Variants in ZC3H13 observed in about 807,000 individuals in gnomAD.
ZC3H13 encodes the protein zinc finger CCCH domain-containing protein 13.
ZC3H13 carries 64 observed loss-of-function variants against 204.1 expected under a neutral mutation model. The ratio of observed to expected loss-of-function variants is 0.31; its 90% CI spans 0.26 to 0.39. The LOEUF is 0.39. ZC3H13 is among the 10% of genes least tolerant of loss of function. The pLI is 1.00. For synonymous variants in ZC3H13, 667 were observed against 693.7 expected (o/e 0.96, Z 0.60); for missense variants, 1,833 against 2,082.7 (o/e 0.88, Z 2.33).
chr13:45,995,011 T>TG (rs2040229864), intron 8 of ZC3H13, among the ~76,000 whole-genome samples: 3 of 62,314 alleles, frequency 4.8e-5, no homozygotes, highest in African/African-American at 9.3e-5. Flanking sequence ...TAACTATCAG[T>TG]GAAAAAAAAA....
chr13:46,052,588 A>T lies in ZC3H13; in HGVS notation c.-194T>A, dbSNP rs1214554915. ...TAGCGAGGAGCCCCCGGGATGGCTG[A>T]GAAGCAGAACCAACCCGCCCGCCGC... is the stretch of plus-strand genomic sequence containing the variant. On this transcript the variant is annotated 5_prime_UTR_variant, in exon 1 of 19. Transcript: ENST00000679008. 5.0e-6 allele frequency: 2 copies of T among 398,614 alleles called. No individual in the cohort carries two copies. The highest frequency in any genetic ancestry group is 8.8e-6 in the Non-Finnish European group (2 of 226,174). The allele number at this position is 398,614 out of a possible 1,614,324, so 24.7% of individuals were successfully genotyped here. A position where few individuals can be genotyped will look rare whatever the true frequency, so the allele number is the denominator to read the frequency against.
chr13:45,970,520 T>A, intron 12 of ZC3H13, 55 bp from the exon 13 acceptor site: 3 of 1,524,182 alleles, frequency 2.0e-6, no homozygotes, highest in Non-Finnish European at 1.8e-6. Context: ...AAAAAAGAGA[T>A]TTTTTTGTTT....
rs761335114 is a variant in ZC3H13, at chr13:45,969,721, G to A, written c.2823C>T (p.His941=). 8 of 1,613,674 alleles carry A rather than the reference G, an allele frequency of 5.0e-6. No individual in the cohort carries two copies. The highest frequency in any genetic ancestry group is 6.8e-6 in the Non-Finnish European group (8 of 1,179,984). The part of the protein sequence containing the change: ...RMRAQDIIGH[H]QSEDRETSDR... ...CAGATGTCTCTCGATCTTCAGACTGGTGGTGTCCTATAATGTCCTGTGCAC... is the reference window on the plus strand; with the variant it reads ...CAGATGTCTCTCGATCTTCAGACTGATGGTGTCCTATAATGTCCTGTGCAC... Residue 941 remains histidine, a synonymous_variant, in exon 14 of 19, where the codon CAC becomes CAT. Transcript: ENST00000679008.
intron 4 of ZC3H13, among the ~76,000 whole-genome samples, chr13:46,033,934 T>G (rs1045709596): frequency 6.6e-6 from 1 of 152,098 alleles, no homozygotes; most frequent in African/African-American, 2.4e-5. Flanking sequence ...CACAAAGGAT[T>G]GGTATACAGA....
At chr13:45,994,189 T>C (rs1212576400) in intron 8 of ZC3H13, among the ~76,000 whole-genome samples, 1 of 152,264 alleles carries the variant, frequency 6.6e-6, no homozygotes, top group East Asian at 1.9e-4. Flanking sequence ...TTCTTTTCTC[T>C]AGCTTACTTT....
chr13:46,045,545 T>C, intron 1 of ZC3H13, 29 bp from the exon 2 acceptor site: 2 of 1,503,850 alleles, frequency 1.3e-6, no homozygotes, highest in Non-Finnish European at 1.9e-6. Context: ...GAGGCAAAAC[T>C]GTAAAATTCC....
intron 10 of ZC3H13, among the ~76,000 whole-genome samples, chr13:45,983,465 C>T (rs1235526840): frequency 1.2e-5 from 1 of 81,716 alleles, no homozygotes; most frequent in Non-Finnish European, 2.1e-5. Context: ...CTCACTCTTT[C>T]GCCCAAGCTG....
At chr13:45,975,147 TA>T in intron 12 of ZC3H13, 135 bp downstream of exon 12, 1 of 1,386,510 alleles carries the variant, frequency 7.2e-7, no homozygotes, top group Non-Finnish European at 9.6e-7. Context: ...ATACATATAC[TA>T]AATTTGAAAA....
At chr13:46,028,880 C>T (rs906185674) in intron 4 of ZC3H13, among the ~76,000 whole-genome samples, 3 of 151,856 alleles carry the variant, frequency 2.0e-5, no homozygotes, top group Admixed American at 6.6e-5. Context: ...TTTAAGCTTC[C>T]ACCTTAGAAA....
Position 46,003,263 on chromosome 13 carries a change from T to C in ZC3H13, c.820A>G (p.Ile274Val), listed in dbSNP as rs377757807. 18 of 1,613,112 alleles carry C rather than the reference T, an allele frequency of 1.1e-5. No homozygotes were observed. In the African/African-American group the frequency reaches 1.9e-4, roughly 17 times the overall value. ...TCTTTGTATTTTTTCCCCAGAGCGA[T>C]ATCTTCTGGTATAGGAGGGGGTGGA... is the stretch of plus-strand genomic sequence containing the variant. ...PSPPPPIPEDIALGKKYKEKY... is the reference protein window; with the variant it reads ...PSPPPPIPEDVALGKKYKEKY... Residue 274 changes from isoleucine to valine, a missense_variant, in exon 8 of 19, where the codon ATC becomes GTC. Physicochemically the swap from Ile to Val is conservative, Grantham distance 29. Around this residue, in one of 5 missense-constraint regions of ZC3H13, gnomAD observed 1,574 missense variants for 1,757.2 expected, o/e 0.90. Coordinates refer to ENST00000679008, the MANE Select transcript of ZC3H13 (RefSeq NM_001330564.2).
At chr13:45,970,023 A>G (rs1481080158) in intron 13 of ZC3H13, 52 bp from the exon 14 acceptor site, 2 of 1,537,614 alleles carry the variant, frequency 1.3e-6, no homozygotes, top group African/African-American at 1.4e-5. Context: ...TAACCACTGC[A>G]TGGTACATAT....
At chr13:45,973,194 GAAA>G (rs1952731209) in intron 12 of ZC3H13, among the ~76,000 whole-genome samples, 1 of 152,076 alleles carries the variant, frequency 6.6e-6, no homozygotes, top group Non-Finnish European at 1.5e-5. Flanking sequence ...TAAAACATGA[GAAA>G]AAGTTATTTC....
At chr13:45,957,846 T>A (rs1249697162) in intron 18 of ZC3H13, among the ~76,000 whole-genome samples, 2 of 152,190 alleles carry the variant, frequency 1.3e-5, no homozygotes, top group Non-Finnish European at 2.9e-5. Flanking sequence ...ACTGAATAAA[T>A]CCTTTAGAAG....
chr13:45,969,000 T>C lies in ZC3H13; in HGVS notation c.3544A>G (p.Lys1182Glu). Reference sequence around the variant, plus strand: ...CTGCTCCTCTTTTGATCCATAGGCTTGCGATGCTGTGCATCTTCTATAGTC... The same window carrying C: ...CTGCTCCTCTTTTGATCCATAGGCTCGCGATGCTGTGCATCTTCTATAGTC... ...HVTIEDAQHR[K>E]PMDQKRSSSL... is the part of the protein sequence containing the mutation. The change falls in exon 14 of 19, where the codon AAG becomes GAG. Residue 1182 changes from lysine to glutamate, a missense_variant. Coordinates refer to ENST00000679008, the MANE Select transcript of ZC3H13 (RefSeq NM_001330564.2). 1 of 1,614,222 alleles carries C rather than the reference T, an allele frequency of 6.2e-7. No individual in the cohort carries two copies. The highest frequency in any genetic ancestry group is 1.3e-5 in the African/African-American group (1 of 75,052).
At chr13:45,989,498 T>C (rs1258367651) in intron 8 of ZC3H13, among the ~76,000 whole-genome samples, 1 of 152,204 alleles carries the variant, frequency 6.6e-6, no homozygotes. Flanking sequence ...AAAGTGGCTT[T>C]GAGAATGCCT....
At chr13:45,968,129 C>T (rs1449617995) in intron 14 of ZC3H13, 101 bp from the exon 15 acceptor site, 2 of 1,248,486 alleles carry the variant, frequency 1.6e-6, no homozygotes, top group East Asian at 4.8e-5. Flanking sequence ...TACCTTTTTC[C>T]ATATTCTATG....
At chr13:46,043,077 CAG>C (rs1194504335) in intron 3 of ZC3H13, among the ~76,000 whole-genome samples, 1 of 151,840 alleles carries the variant, frequency 6.6e-6, no homozygotes, top group African/African-American at 2.4e-5. Context: ...AGATGGAAAA[CAG>C]ACTGCCTTTA....
intron 18 of ZC3H13, among the ~76,000 whole-genome samples, chr13:45,958,612 A>G (rs896341864): frequency 6.7e-6 from 1 of 149,746 alleles, no homozygotes; most frequent in African/African-American, 2.5e-5. Flanking sequence ...TGTACTACCT[A>G]TACCCATCCA....
intron 10 of ZC3H13, among the ~76,000 whole-genome samples, chr13:45,981,351 A>AT (rs1245268221): frequency 6.6e-6 from 1 of 152,214 alleles, no homozygotes; most frequent in Non-Finnish European, 1.5e-5. Context: ...TCCATGGTGT[A>AT]TATGTACCAC....
Sources: gnomAD v4.1 joint callset for allele counts (sites outside exome capture counted in the v4.1 genomes callset) on GRCh38, gnomAD v4.1.1 for gene constraint, gnomAD v4.1.1 regional missense constraint, MANE v1.5 for transcripts, NCBI Gene and HGNC (gene_info 2026-07-23, HGNC 2026-07-21) for gene names.